USP33: variants seen among roughly 807,000 people sequenced by gnomAD.
The protein encoded by USP33 is ubiquitin specific peptidase 33, also known as ubiquitin carboxyl-terminal hydrolase 33.
In USP33, 46 loss-of-function variants were observed where a neutral mutation model predicts 124.2. The observed-to-expected ratio is 0.37, with a 90% CI of 0.29 to 0.47. USP33 has a LOEUF of 0.47. Among genes scored for constraint, USP33 ranks in the 20% least tolerant of loss-of-function variants. The pLI is 0.99. For synonymous variants in USP33, 350 were observed against 352.3 expected, an observed-to-expected ratio of 0.99 and a Z score of 0.07; for missense variants, 851 against 1,070.6, an observed-to-expected ratio of 0.79 and a Z score of 2.86.
intron 1 of USP33, among the ~76,000 whole-genome samples, chr1:77,747,862 A>G (rs1679895836): frequency 6.6e-6 from 1 of 152,184 alleles, no homozygotes; most frequent in Non-Finnish European, 1.5e-5. Flanking sequence ...CTTATTAAAT[A>G]ATCTCCCCAT....
At chr1:77,702,920 G>T (rs1674207211) in intron 21 of USP33, among the ~76,000 whole-genome samples, 1 of 151,976 alleles carries the variant, frequency 6.6e-6, no homozygotes, top group Admixed American at 6.6e-5. Flanking sequence ...TAAGTAGTGT[G>T]TAAGTAGTGT....
At chr1:77,756,811 G>C (rs1680841408) in intron 1 of USP33, among the ~76,000 whole-genome samples, 1 of 152,110 alleles carries the variant, frequency 6.6e-6, no homozygotes, top group Non-Finnish European at 1.5e-5. Flanking sequence ...AGTTCAAGAT[G>C]CACTTCAGAG....
chr1:77,711,828 A>G lies in USP33; in HGVS notation c.2325T>C (p.His775=). 1 of 1,607,538 alleles carries G rather than the reference A, an allele frequency of 6.2e-7. No homozygotes were observed. Among genetic ancestry groups the G allele is most frequent in the Non-Finnish European group, 8.5e-7 (1 of 1,178,270 alleles). ...TTTGGCAAGTATGACAAATGTACAG[A>G]TGGTTGACAGCTGGTCCTCCACCAT... ...SRYGGGPAVN[H]LYICHTCQIE... is the part of the protein sequence containing the mutation. Residue 775 remains histidine, a synonymous_variant, in exon 21 of 24, where the codon CAT becomes CAC. Transcript: ENST00000370794.
At chr1:77,735,768 T>C (rs917861004) in intron 6 of USP33, among the ~76,000 whole-genome samples, 2 of 152,082 alleles carry the variant, frequency 1.3e-5, no homozygotes, top group Non-Finnish European at 2.9e-5. Flanking sequence ...TCACTGACAA[T>C]AGAAAAATGA....
At chr1:77,742,286 G>A (rs569815665) in intron 1 of USP33, among the ~76,000 whole-genome samples, 3 of 152,182 alleles carry the variant, frequency 2.0e-5, no homozygotes, top group East Asian at 1.9e-4. Context: ...TCTCGATCCC[G>A]GCACTATTGA....
At chr1:77,736,903 C>T (rs1227094523) in intron 5 of USP33, among the ~76,000 whole-genome samples, 4 of 152,030 alleles carry the variant, frequency 2.6e-5, no homozygotes, top group Admixed American at 1.3e-4. Context: ...ACACCACACC[C>T]GGCCTGCACA....
chr1:77,757,935 T>A (rs1680953324), intron 1 of USP33, among the ~76,000 whole-genome samples: 1 of 152,216 alleles, frequency 6.6e-6, no homozygotes, highest in African/African-American at 2.4e-5. Flanking sequence ...GTAAGAATTA[T>A]CATCTCAATT....
Position 77,739,248 on chromosome 1 carries a change from T to C in USP33, c.351+17A>G, listed in dbSNP as rs1388355822. On this transcript the variant is annotated intron_variant, in intron 5 of 23. Coordinates refer to ENST00000370794, the MANE Select transcript of USP33 (RefSeq NM_201624.3). ...CGGAATGTTTTACAGCTTAACTAAG[T>C]GGATCTAGATTATTACCTGGACACT... 1.9e-6 allele frequency: 3 copies of C among 1,593,210 alleles called. No homozygotes were observed. Among genetic ancestry groups the C allele is most frequent in the Non-Finnish European group, 2.6e-6 (3 of 1,173,106 alleles).
rs957147915 is a variant in USP33 at position 77,737,984 on chromosome 1, A to C, written c.351+1281T>G. Among the ~76,000 whole-genome samples, 3 of 152,240 alleles carry C rather than the reference A, an allele frequency of 2.0e-5. No homozygotes were observed. The East Asian group carries it at 5.8e-4, about 29-fold the overall frequency. On this transcript the variant is annotated intron_variant, in intron 5 of 23. Coordinates refer to ENST00000370794, the MANE Select transcript of USP33 (RefSeq NM_201624.3). ...GTTAATAATGTAAGAGGATTCAACGAAACGGCCATTTTCATACTATCTGGA... is the reference window on the plus strand; with the variant it reads ...GTTAATAATGTAAGAGGATTCAACGCAACGGCCATTTTCATACTATCTGGA...
In USP33 at chr1:77,725,743, A is replaced by G. The variant is rs1677091918; in HGVS notation, c.1155T>C (p.His385=). 3 of 1,613,154 alleles carry G rather than the reference A, an allele frequency of 1.9e-6. No individual in the cohort carries two copies. The highest frequency in any genetic ancestry group is 1.7e-5 in the Admixed American group (1 of 59,828). Residue 385 remains histidine (H), a synonymous_variant, in exon 11 of 24, where the codon CAT becomes CAC. Coordinates refer to ENST00000370794, the MANE Select transcript of USP33 (RefSeq NM_201624.3). The stretch of plus-strand genomic sequence containing the variant: ...TCTGTGGTGTAGACAGGTCATTCGA[A>G]TGGACATCAGTGATATATTCTGTAA... The part of the protein sequence containing the change: ...SRASEYITDV[H]SNDLSTPQIL...
Position 77,711,196 on chromosome 1 carries a change from T to TA in USP33, c.2406+550dup, listed in dbSNP as rs879435761. 7.7e-3 allele frequency among the ~76,000 whole-genome samples: 1,079 copies of TA among 140,898 alleles called. 12 individuals are homozygous for TA. The highest frequency in any genetic ancestry group is 0.024 in the African/African-American group (923 of 38,478). The allele number at this position is 140,898 out of a possible 152,430, so 92.4% of individuals were successfully genotyped here. Reference sequence around the variant, plus strand: ...AAGATTTCTGCCAGTGCCAATACATTAAAAAAAAAAAAAGTATTGTCAATC... The same window carrying TA: ...AAGATTTCTGCCAGTGCCAATACATTAAAAAAAAAAAAAAGTATTGTCAATC... On this transcript the variant is annotated intron_variant, in intron 21 of 23. Transcript: ENST00000370794.
intron 6 of USP33, among the ~76,000 whole-genome samples, chr1:77,735,128 A>C (rs1678291332): frequency 6.6e-6 from 1 of 151,962 alleles, no homozygotes; most frequent in African/African-American, 2.4e-5. Flanking sequence ...ATCTCAAAAA[A>C]AAAAGAAAAA....
At chr1:77,716,060 ATTT>A (rs1443941727) in intron 17 of USP33, among the ~76,000 whole-genome samples, 192 bp from the exon 18 acceptor site, 7 of 151,940 alleles carry the variant, frequency 4.6e-5, no homozygotes, top group Middle Eastern at 3.4e-3. Flanking sequence ...AATTTTTTAA[ATTT>A]TTTTATTTTT....
At chr1:77,716,138 A>G (rs1473775435) in intron 17 of USP33, among the ~76,000 whole-genome samples, 1 of 152,192 alleles carries the variant, frequency 6.6e-6, no homozygotes, top group African/African-American at 2.4e-5. Flanking sequence ...AGCTCACTGC[A>G]GCCTCAAATT....
Position 77,759,651 on chromosome 1 carries a change from C to A in USP33, c.-60G>T. ...AGCAGCGCCGCGCTCACCTCCACGGCCTGGCCCGCGGGACCCGCCAGCTCG... is the reference window on the plus strand; with the variant it reads ...AGCAGCGCCGCGCTCACCTCCACGGACTGGCCCGCGGGACCCGCCAGCTCG... On this transcript the variant is annotated 5_prime_UTR_variant, in exon 1 of 24. Transcript: ENST00000370794. 1 of 399,432 alleles carries A rather than the reference C, an allele frequency of 2.5e-6. No individual in the cohort carries two copies. The highest frequency in any genetic ancestry group is 4.4e-6 in the Non-Finnish European group (1 of 226,840). 24.7% of individuals were successfully genotyped at this position (399,432 alleles called of 1,614,324 possible). A position where few individuals can be genotyped will look rare whatever the true frequency, so the allele number is the denominator to read the frequency against.
intron 21 of USP33, among the ~76,000 whole-genome samples, chr1:77,705,522 C>T (rs1279718852): frequency 6.6e-6 from 1 of 152,066 alleles, no homozygotes; most frequent in Non-Finnish European, 1.5e-5. Context: ...AAGACAGGGT[C>T]TTGCTCTGTT....
At chr1:77,738,761 T>C (rs1678777132) in intron 5 of USP33, among the ~76,000 whole-genome samples, 1 of 152,222 alleles carries the variant, frequency 6.6e-6, no homozygotes, top group Non-Finnish European at 1.5e-5. Context: ...ATTACAGGCG[T>C]GAGCCACCGC....
chr1:77,737,882 A>AT (rs1436526545), intron 5 of USP33, among the ~76,000 whole-genome samples: 3 of 152,222 alleles, frequency 2.0e-5, no homozygotes, highest in Admixed American at 2.0e-4. Context: ...AACTTTAGTC[A>AT]TAACATTACA....
intron 9 of USP33, among the ~76,000 whole-genome samples, chr1:77,729,054 C>T (rs1288826533): frequency 6.6e-6 from 1 of 152,060 alleles, no homozygotes; most frequent in African/African-American, 2.4e-5. Flanking sequence ...CACGTGCCAC[C>T]ACACCTGGTT....
Sources: gnomAD v4.1 joint callset for allele counts (sites outside exome capture counted in the v4.1 genomes callset) on GRCh38, gnomAD v4.1.1 for gene constraint, MANE v1.5 for transcripts, NCBI Gene and HGNC (gene_info 2026-07-23, HGNC 2026-07-21) for gene names.